DCLK1: variants seen among roughly 807,000 people sequenced by gnomAD.
DCLK1 encodes serine/threonine-protein kinase DCLK1.
A neutral mutation model predicts 86.2 loss-of-function variants in DCLK1; 16 were observed. The ratio of observed to expected loss-of-function variants is 0.19; its 90% CI spans 0.13 to 0.28. The LOEUF (loss-of-function observed/expected upper bound fraction) is 0.28. Ranked by LOEUF, DCLK1 falls within the 10% of genes least tolerant of loss-of-function variation. The probability of loss-of-function intolerance (pLI) is 1.00; values close to 1 mark genes in which losing one functional copy is unlikely to be tolerated. For missense variants in DCLK1, 590 were observed against 940.2 expected (o/e 0.63, Z 4.87); for synonymous variants, 369 against 370.5 (o/e 1.00, Z 0.05).
intron 3 of DCLK1, among the ~76,000 whole-genome samples, chr13:36,091,707 G>A (rs968317831): frequency 7.9e-5 from 12 of 152,170 alleles, no homozygotes; most frequent in African/African-American, 2.9e-4. Context: ...CATTCCTAGC[G>A]TGATATGTGT....
intron 1 of DCLK1, among the ~76,000 whole-genome samples, chr13:36,128,148 A>G (rs906314307): frequency 1.3e-5 from 2 of 152,152 alleles, no homozygotes; most frequent in African/African-American, 4.8e-5. Flanking sequence ...TGAAAGCATG[A>G]CTAGAGATTT....
At chr13:35,872,192 T>A (rs1872321810) in intron 4 of DCLK1, among the ~76,000 whole-genome samples, 1 of 152,176 alleles carries the variant, frequency 6.6e-6, no homozygotes, top group Non-Finnish European at 1.5e-5. Flanking sequence ...GTAAGGATAA[T>A]CAATGTTCAC....
chr13:35,827,930 A>G (rs9531100), intron 9 of DCLK1, among the ~76,000 whole-genome samples, 176 bp from the exon 10 acceptor site: 95,168 of 152,048 alleles, frequency 0.63, 30,113 homozygotes, highest in East Asian at 0.8. Context: ...AGATATGGAG[A>G]TCCTTACATA....
At chr13:36,042,878 G>A (rs993949137) in intron 3 of DCLK1, among the ~76,000 whole-genome samples, 1 of 152,192 alleles carries the variant, frequency 6.6e-6, no homozygotes, top group Non-Finnish European at 1.5e-5. Flanking sequence ...GAATTCTGGT[G>A]AGAAAACATT....
intron 6 of DCLK1, among the ~76,000 whole-genome samples, chr13:35,843,568 C>T (rs1256523995): frequency 6.6e-6 from 1 of 152,168 alleles, no homozygotes; most frequent in Non-Finnish European, 1.5e-5. Flanking sequence ...GTGTGAGTTA[C>T]TCTTGCCATT....
chr13:36,006,100 T>C (rs945439855), intron 3 of DCLK1, among the ~76,000 whole-genome samples: 1 of 152,062 alleles, frequency 6.6e-6, no homozygotes, highest in African/African-American at 2.4e-5. Context: ...GGTTGATGGG[T>C]GCAGCAAACC....
intron 6 of DCLK1, among the ~76,000 whole-genome samples, chr13:35,841,620 T>C (rs1043012905): frequency 6.6e-6 from 1 of 152,166 alleles, no homozygotes. Context: ...TTTCTGAAAA[T>C]GTATCCCAAG....
At chr13:35,993,900 C>T (rs1880359164) in intron 3 of DCLK1, among the ~76,000 whole-genome samples, 1 of 151,582 alleles carries the variant, frequency 6.6e-6, no homozygotes, top group South Asian at 2.1e-4. Context: ...CATTTCCTCT[C>T]TTCAAAGCCA....
At chr13:36,107,361 T>TTTTTTTTA (rs1885435100) in intron 3 of DCLK1, among the ~76,000 whole-genome samples, 1 of 103,612 alleles carries the variant, frequency 9.7e-6, no homozygotes, top group African/African-American at 3.4e-5. Flanking sequence ...TTTTTTTTTT[T>TTTTTTTTA]GAGACGGGGT....
chr13:36,026,431 A>G (rs1882036497), intron 3 of DCLK1, among the ~76,000 whole-genome samples: 1 of 152,218 alleles, frequency 6.6e-6, no homozygotes, highest in Non-Finnish European at 1.5e-5. Flanking sequence ...ACACAACTAC[A>G]GATTTATTAA....
chr13:36,106,607 A>G (rs185505290), intron 3 of DCLK1, among the ~76,000 whole-genome samples: 2 of 152,298 alleles, frequency 1.3e-5, no homozygotes, highest in Non-Finnish European at 2.9e-5. Context: ...CATTCTTTAT[A>G]CCAAGAATGA....
In DCLK1 at chr13:36,131,345, C is replaced by T; in HGVS notation, c.-251G>A. On this transcript the variant is annotated 5_prime_UTR_variant, in exon 1 of 17. Coordinates refer to ENST00000360631, the MANE Select transcript of DCLK1 (RefSeq NM_001330071.2). ...CATTGAAATGCGGCGCTTCGCACAG[C>T]CTCACTCCAGCCTCTCTCTCCAGAG... 1 of 173,360 alleles carries T rather than the reference C, an allele frequency of 5.8e-6. No individual in the cohort carries two copies. The highest frequency in any genetic ancestry group is 1.2e-4 in the South Asian group (1 of 8,060). 10.7% of individuals were successfully genotyped at this position (173,360 alleles called of 1,614,324 possible). A position where few individuals can be genotyped will look rare whatever the true frequency, so the allele number is the denominator to read the frequency against.
At chr13:35,933,861 C>G (rs565767958) in intron 4 of DCLK1, among the ~76,000 whole-genome samples, 1 of 152,224 alleles carries the variant, frequency 6.6e-6, no homozygotes, top group African/African-American at 2.4e-5. Flanking sequence ...ATGCAAATTT[C>G]TGCAGCTGGC....
At chr13:36,093,308 G>C in intron 3 of DCLK1, among the ~76,000 whole-genome samples, 1 of 152,186 alleles carries the variant, frequency 6.6e-6, no homozygotes, top group Admixed American at 6.5e-5. Flanking sequence ...ATTGACAGAA[G>C]TCATCATGTG....
chr13:35,962,669 A>G (rs898162378), intron 3 of DCLK1, among the ~76,000 whole-genome samples: 8 of 152,240 alleles, frequency 5.3e-5, no homozygotes, highest in Non-Finnish European at 1.0e-4. Flanking sequence ...ACAACTGTTA[A>G]AAGGCTTCAT....
intron 4 of DCLK1, among the ~76,000 whole-genome samples, chr13:35,872,631 C>G (rs566797628): frequency 5.2e-4 from 79 of 152,294 alleles, no homozygotes; most frequent in Non-Finnish European, 7.3e-4. Context: ...CAAGGGCACA[C>G]TGTGGGTGCT....
At chr13:35,998,427 C>T (rs915203416) in intron 3 of DCLK1, among the ~76,000 whole-genome samples, 1 of 152,098 alleles carries the variant, frequency 6.6e-6, no homozygotes, top group Non-Finnish European at 1.5e-5. Context: ...TTCAGAGGCA[C>T]CTCACAGCCA....
chr13:35,870,488 CT>C (rs1183470754), intron 5 of DCLK1, among the ~76,000 whole-genome samples: 4 of 152,194 alleles, frequency 2.6e-5, no homozygotes, highest in Non-Finnish European at 4.4e-5. Context: ...AGCTTCTTGT[CT>C]TCATGAAATC....
At chr13:35,914,255 G>A (rs1875229121) in intron 4 of DCLK1, among the ~76,000 whole-genome samples, 1 of 150,244 alleles carries the variant, frequency 6.7e-6, no homozygotes, top group Non-Finnish European at 1.5e-5. Flanking sequence ...AGAGGTCGAG[G>A]CTGCAGTGAG....
Sources: allele counts gnomAD v4.1 joint callset (sites outside exome capture counted in the v4.1 genomes callset), GRCh38; gene constraint gnomAD v4.1.1; transcripts MANE v1.5; gene names NCBI Gene and HGNC (gene_info 2026-07-23, HGNC 2026-07-21).